Variants in ARHGEF4 observed in about 807,000 individuals in gnomAD.
ARHGEF4 encodes APC-stimulated guanine nucleotide exchange factor 1.
In ARHGEF4, 119 loss-of-function variants were observed where a neutral mutation model predicts 162.0. The observed-to-expected ratio is 0.73, with a 90% CI of 0.63 to 0.86. The LOEUF is 0.86. Among genes scored for constraint, ARHGEF4 ranks in the 40% least tolerant of loss-of-function variants. The pLI, the probability that ARHGEF4 is intolerant of heterozygous loss-of-function variation, is 0.00. For synonymous variants in ARHGEF4, 1,014 were observed against 979.9 expected (o/e 1.03, Z -0.65); for missense variants, 2,488 against 2,456.0 (o/e 1.01, Z -0.28).
intron 7 of ARHGEF4, 25 bp from the exon 8 acceptor site, chr2:131,040,236 G>A: frequency 4.3e-6 from 7 of 1,610,584 alleles, no homozygotes; most frequent in East Asian, 2.2e-5. Context: ...CCGGTCGGGG[G>A]AGGCCTAACC....
rs926479384 is a variant in ARHGEF4 at position 130,855,776 on chromosome 2, G to A, written c.39+18784G>A. ...ATGTGCAGTTTGAATAATCTAAGCCGGCTAAGTCGTTATTGCTTACTTCAA... is the reference window on the plus strand; with the variant it reads ...ATGTGCAGTTTGAATAATCTAAGCCAGCTAAGTCGTTATTGCTTACTTCAA... On this transcript the variant is annotated intron_variant, in intron 1 of 13. Transcript: ENST00000409359. Among the ~76,000 whole-genome samples the A allele has an allele frequency of 2.6e-5, 4 of 152,122 alleles. No homozygotes were observed. In the East Asian group the frequency reaches 5.8e-4, roughly 22 times the overall value.
At chr2:131,005,658 A>C (rs1232263810) in intron 4 of ARHGEF4, among the ~76,000 whole-genome samples, 2 of 147,710 alleles carry the variant, frequency 1.4e-5, no homozygotes, top group Non-Finnish European at 3.0e-5. Flanking sequence ...CAGAAGATGC[A>C]GGGGAGCTGG....
chr2:130,884,055 CAA>C (rs982988068), intron 1 of ARHGEF4, among the ~76,000 whole-genome samples: 7 of 151,978 alleles, frequency 4.6e-5, no homozygotes, highest in African/African-American at 1.7e-4. Context: ...TGATTTTATG[CAA>C]AGTTATTTTA....
chr2:130,959,105 C>A lies in ARHGEF4; in HGVS notation c.3985+12470C>A, dbSNP rs577536469. 3.7e-4 allele frequency among the ~76,000 whole-genome samples: 57 copies of A among 152,064 alleles called. No individual in the cohort carries two copies. The South Asian group carries it at 4.8e-3, about 13-fold the overall frequency. ...TACAGGCGCACCCCACCACACCAGGCTAATTTTTGTATTTTTAGTAGAGAT... is the reference window on the plus strand; with the variant it reads ...TACAGGCGCACCCCACCACACCAGGATAATTTTTGTATTTTTAGTAGAGAT... On this transcript the variant is annotated intron_variant, in intron 4 of 13. Transcript: ENST00000409359.
intron 4 of ARHGEF4, among the ~76,000 whole-genome samples, chr2:130,961,163 G>A (rs975363389): frequency 2.0e-5 from 3 of 152,120 alleles, no homozygotes; most frequent in African/African-American, 4.8e-5. Flanking sequence ...ATTCCTCCAC[G>A]GGCTGCTTGC....
At chr2:130,881,955 T>G (rs924348971) in intron 1 of ARHGEF4, among the ~76,000 whole-genome samples, 2 of 151,920 alleles carry the variant, frequency 1.3e-5, no homozygotes, top group African/African-American at 4.8e-5. Context: ...ACACAGAGCC[T>G]CAGGCAGCGC....
intron 4 of ARHGEF4, among the ~76,000 whole-genome samples, chr2:130,950,763 A>T (rs1409116255): frequency 6.8e-6 from 1 of 147,610 alleles, no homozygotes; most frequent in Non-Finnish European, 1.5e-5. Flanking sequence ...TTGCCTATGG[A>T]TGGAATCATG....
intron 1 of ARHGEF4, among the ~76,000 whole-genome samples, chr2:130,908,703 A>C (rs1680992103): frequency 6.6e-6 from 1 of 152,136 alleles, no homozygotes; most frequent in Admixed American, 6.5e-5. Flanking sequence ...AATTTAAAAA[A>C]AAAAGTTTTA....
chr2:131,035,077 G>T (rs1344763096), intron 5 of ARHGEF4: 4 of 1,025,152 alleles, frequency 3.9e-6, no homozygotes, highest in South Asian at 4.5e-5. Context: ...CGCACGGAGC[G>T]GGAGGCCGGG....
At chr2:130,877,020 G>A (rs2104947972) in intron 1 of ARHGEF4, among the ~76,000 whole-genome samples, 1 of 152,286 alleles carries the variant, frequency 6.6e-6, no homozygotes, top group African/African-American at 2.4e-5. Context: ...TCCTAACTTG[G>A]GGCTTTTAGT....
chr2:130,850,018 C>T (rs1681288872), intron 1 of ARHGEF4, among the ~76,000 whole-genome samples: 1 of 152,252 alleles, frequency 6.6e-6, no homozygotes, highest in African/African-American at 2.4e-5. Context: ...GACGCTGTAA[C>T]TGCACATGTG....
chr2:131,011,442 A>C (rs1688443398), intron 4 of ARHGEF4, among the ~76,000 whole-genome samples: 1 of 152,220 alleles, frequency 6.6e-6, no homozygotes, highest in East Asian at 1.9e-4. Flanking sequence ...CAGGGTTGGT[A>C]GGAAAAAGGA....
At chr2:130,999,448 G>A (rs1334920263) in intron 4 of ARHGEF4, among the ~76,000 whole-genome samples, 2 of 152,092 alleles carry the variant, frequency 1.3e-5, no homozygotes, top group African/African-American at 4.8e-5. Context: ...GAGCCACTGT[G>A]CCCGGCCATA....
intron 4 of ARHGEF4, among the ~76,000 whole-genome samples, chr2:131,017,049 A>C (rs1688813281): frequency 6.6e-6 from 1 of 152,212 alleles, no homozygotes; most frequent in Non-Finnish European, 1.5e-5. Flanking sequence ...TGAATCAGAG[A>C]CTGCTGACTT....
chr2:130,985,592 T>G (rs936832038), intron 4 of ARHGEF4, among the ~76,000 whole-genome samples: 1 of 152,116 alleles, frequency 6.6e-6, no homozygotes, highest in African/African-American at 2.4e-5. Context: ...GAGTTTCAGT[T>G]CTTTGATACT....
At chr2:130,886,574 G>A (rs185759707) in intron 1 of ARHGEF4, among the ~76,000 whole-genome samples, 1 of 151,770 alleles carries the variant, frequency 6.6e-6, no homozygotes, top group East Asian at 1.9e-4. Context: ...CCAGCTACTT[G>A]GAAGGCTGAG....
intron 4 of ARHGEF4, among the ~76,000 whole-genome samples, chr2:130,968,603 C>T (rs1685147237): frequency 6.6e-6 from 1 of 152,120 alleles, no homozygotes; most frequent in Non-Finnish European, 1.5e-5. Context: ...AGAGACAGGC[C>T]GGCTGCAGCT....
chr2:130,903,926 C>T (rs544142647), intron 1 of ARHGEF4, among the ~76,000 whole-genome samples: 1 of 152,202 alleles, frequency 6.6e-6, no homozygotes, highest in Non-Finnish European at 1.5e-5. Flanking sequence ...CAGCCCACCA[C>T]TGATGGGCAC....
At chr2:130,938,761 A>G (rs886946096) in intron 3 of ARHGEF4, among the ~76,000 whole-genome samples, 7 of 151,924 alleles carry the variant, frequency 4.6e-5, no homozygotes, top group African/African-American at 1.5e-4. Flanking sequence ...TACTTAATCA[A>G]TTTTTTTCGT....
Sources: gnomAD v4.1 joint callset for allele counts (sites outside exome capture counted in the v4.1 genomes callset) on GRCh38, gnomAD v4.1.1 for gene constraint, MANE v1.5 for transcripts, NCBI Gene and HGNC (gene_info 2026-07-23, HGNC 2026-07-21) for gene names.